The following BICDL2 variants were observed in gnomAD, a reference collection of about 807,000 sequenced individuals.
The protein encoded by BICDL2 is BICD family like cargo adaptor 2.
A neutral mutation model predicts 56.6 loss-of-function variants in BICDL2; 62 were observed. The observed-to-expected ratio is 1.10, with a 90% CI of 0.89 to 1.35. The LOEUF is 1.35. BICDL2 is among the 40% of genes most tolerant of loss of function. BICDL2 has a pLI of 0.00. For synonymous variants in BICDL2, 358 were observed against 319.8 expected (o/e 1.12, Z -1.27); for missense variants, 808 against 684.5 (o/e 1.18, Z -2.01).
At chr16:3,033,824 A>T (rs1955690178) in intron 2 of BICDL2, among the ~76,000 whole-genome samples, 1 of 151,314 alleles carries the variant, frequency 6.6e-6, no homozygotes, top group Non-Finnish European at 1.5e-5. Flanking sequence ...GAGTCCAAGG[A>T]GGTGCACAGG....
At chr16:3,035,176 T>TTGGCCGGGGGGGGGGGGGGGGGGG in intron 2 of BICDL2, 39 bp downstream of exon 2, 6 of 136,274 alleles carry the variant, frequency 4.4e-5, no homozygotes, top group Non-Finnish European at 8.1e-5. Context: ...CGTCCTCCCC[T>TTGGCCGGGGGGGGGGGGGGGGGGG]GCCCACCCAC....
At chr16:3,035,675 T>A in intron 1 of BICDL2, 149 bp from the exon 2 acceptor site, 1 of 673,720 alleles carries the variant, frequency 1.5e-6, no homozygotes, top group Non-Finnish European at 2.5e-6. Flanking sequence ...GTGTTTTGGC[T>A]ACCCAGTTCC....
chr16:3,036,769 G>A (rs754848155), intron 1 of BICDL2, 125 bp downstream of exon 1: 1 of 359,848 alleles, frequency 2.8e-6, no homozygotes, highest in Admixed American at 3.8e-5. Flanking sequence ...CGGCGCCCCC[G>A]GTTCCCCGGC....
intron 1 of BICDL2, 122 bp downstream of exon 1, chr16:3,036,772 T>C (rs1256403130): frequency 2.8e-6 from 1 of 354,902 alleles, no homozygotes; most frequent in Non-Finnish European, 5.5e-6. Context: ...CGCCCCCGGT[T>C]CCCCGGCGAT....
chr16:3,035,698 G>A (rs1567424862), intron 1 of BICDL2, 172 bp from the exon 2 acceptor site: 4 of 602,416 alleles, frequency 6.6e-6, no homozygotes, highest in Non-Finnish European at 1.2e-5. Flanking sequence ...TAATGTCCCT[G>A]GGGTAAACTG....
chr16:3,029,396 T>C lies in BICDL2; in HGVS notation c.991A>G (p.Ser331Gly). 6.2e-7 allele frequency: 1 copy of C among 1,608,252 alleles called. No homozygotes were observed. The highest frequency in any genetic ancestry group is 1.1e-5 in the South Asian group (1 of 90,948). The change falls in exon 7 of 10, where the codon AGC (serine) becomes GGC (glycine). Residue 331 changes from serine (S) to glycine (G), a missense_variant. Physicochemically the swap from Ser to Gly is moderately conservative, Grantham distance 56. Transcript: ENST00000572449. Reference protein sequence around the residue: ...TRSPKTRKASSPQPSPPEEIL... With the variant: ...TRSPKTRKASGPQPSPPEEIL... Reference sequence around the variant, plus strand: ...TCTTCCGGGGGTGAAGGCTGGGGGCTGGACGCCTTTCGGGTCTTTGGGGAC... The same window carrying C: ...TCTTCCGGGGGTGAAGGCTGGGGGCCGGACGCCTTTCGGGTCTTTGGGGAC...
Position 3,028,175 on chromosome 16 carries a change from G to A in BICDL2, c.1458C>T (p.Pro486=), listed in dbSNP as rs1358286353. 6.9e-7 allele frequency: 1 copy of A among 1,453,326 alleles called. No individual in the cohort carries two copies. The highest frequency in any genetic ancestry group is 9.0e-7 in the Non-Finnish European group (1 of 1,112,580). The allele number at this position is 1,453,326 out of a possible 1,614,324, so 90.0% of individuals were successfully genotyped here. A position where few individuals can be genotyped will look rare whatever the true frequency, so the allele number is the denominator to read the frequency against. The part of the protein sequence containing the change: ...ASSSTPRRAA[P]RFSLRLGPGP... The stretch of plus-strand genomic sequence containing the variant: ...CGGGGCCCAGGCGCAGCGAGAAGCG[G>A]GGCGCGGCACGGCGCGGGGTCGACG... Residue 486 remains proline, a synonymous_variant, in exon 10 of 10, where the codon CCC becomes CCT. Coordinates refer to ENST00000572449, the MANE Select transcript of BICDL2 (RefSeq NM_001369667.1).
chr16:3,032,201 T>G (rs968512565), intron 2 of BICDL2: 1 of 152,300 alleles, frequency 6.6e-6, no homozygotes, highest in Admixed American at 6.5e-5. Context: ...CCCAAAGTGC[T>G]GGGATTACAG....
rs781722653 is a variant in BICDL2, at chr16:3,030,535, C to A, written c.676G>T (p.Glu226Ter). 1 of 1,601,416 alleles carries A rather than the reference C, an allele frequency of 6.2e-7. No homozygotes were observed. Among genetic ancestry groups the A allele is most frequent in the Non-Finnish European group, 8.5e-7 (1 of 1,178,128 alleles). The stretch of plus-strand genomic sequence containing the variant: ...AGTCTGCCCTCACCCTTCTCCACCT[C>A]CTCACGCAGGCCTCGGATCTGGGCC... Reference protein sequence around the residue: ...LEAQIRGLREEVEKGEGRLQT... With the variant: ...LEAQIRGLRE Residue 226 changes from glutamate to a stop codon, truncating the protein, a stop_gained, in exon 5 of 10, where the codon GAG becomes TAG. Coordinates refer to ENST00000572449, the MANE Select transcript of BICDL2 (RefSeq NM_001369667.1). LOFTEE classifies it high-confidence loss of function.
intron 8 of BICDL2, 85 bp from the exon 9 acceptor site, chr16:3,028,553 G>A (rs1476952721): frequency 6.5e-7 from 1 of 1,534,414 alleles, no homozygotes; most frequent in Admixed American, 2.2e-5. Flanking sequence ...TACCCGGGCG[G>A]GAGGAGGGCT....
chr16:3,035,177 G>GTCCCCCCCCCCCCCCCCCCCCC, intron 2 of BICDL2, 38 bp downstream of exon 2: 2 of 118,826 alleles, frequency 1.7e-5, no homozygotes, highest in South Asian at 1.4e-4. Context: ...GTCCTCCCCT[G>GTCCCCCCCCCCCCCCCCCCCCC]CCCACCCACC....
intron 2 of BICDL2, chr16:3,031,390 G>T (rs1204195231): frequency 1.4e-5 from 8 of 571,542 alleles, no homozygotes; most frequent in African/African-American, 1.9e-5. Flanking sequence ...GGGGTGGGGG[G>T]ATCTCTGATG....
rs770465946 is a variant in BICDL2, at chr16:3,028,672, G to C, written c.1238+28C>G. 1.3e-6 allele frequency: 2 copies of C among 1,560,938 alleles called. 1 individual carries two copies. Among genetic ancestry groups the C allele is most frequent in the South Asian group, 2.4e-5 (2 of 84,824 alleles). ...GCCCAGGAGGGCCCAGAGGGCGCTG[G>C]GGCGGTGGTCAATGGCTTGAGGCTT... On this transcript the variant is annotated intron_variant, in intron 8 of 9. Transcript: ENST00000572449.
Position 3,030,516 on chromosome 16 carries a change from C to T in BICDL2, c.695G>A (p.Gly232Asp). ...GLREEVEKGE[G>D]RLQTTHEELL... ...CTCCTCGTGGGTGGTCTGCAGTCTGCCCTCACCCTTCTCCACCTCCTCACG... is the reference window on the plus strand; with the variant it reads ...CTCCTCGTGGGTGGTCTGCAGTCTGTCCTCACCCTTCTCCACCTCCTCACG... The change falls in exon 5 of 10, where the codon GGC (glycine) becomes GAC (aspartate). Residue 232 changes from glycine to aspartate, a missense_variant. Transcript: ENST00000572449. 2 of 1,603,342 alleles carry T rather than the reference C, an allele frequency of 1.2e-6. No homozygotes were observed. Among genetic ancestry groups the T allele is most frequent in the Non-Finnish European group, 8.5e-7 (1 of 1,179,060 alleles).
intron 2 of BICDL2, 118 bp downstream of exon 2, chr16:3,035,097 G>A (rs1052243787): frequency 3.5e-5 from 38 of 1,082,134 alleles, no homozygotes; most frequent in African/African-American, 4.8e-5. Flanking sequence ...CCCCTCGCCC[G>A]GCTGTCCTCC....
chr16:3,030,894 C>A (rs1359331926), intron 3 of BICDL2, 41 bp downstream of exon 3: 2 of 1,545,992 alleles, frequency 1.3e-6, no homozygotes, highest in Admixed American at 3.9e-5. Flanking sequence ...CAGGCATCCT[C>A]CCCAACCTTG....
intron 2 of BICDL2, chr16:3,031,501 G>A: frequency 4.0e-6 from 2 of 499,838 alleles, no homozygotes; most frequent in Non-Finnish European, 7.1e-6. Flanking sequence ...GCCCATGGCA[G>A]CACACACCTG....
intron 5 of BICDL2, chr16:3,030,242 G>T: frequency 1.6e-6 from 1 of 625,366 alleles, no homozygotes; most frequent in Non-Finnish European, 2.6e-6. Flanking sequence ...TGCTCTTCCA[G>T]CTGCCAGGCT....
In BICDL2 at chr16:3,035,176, T is replaced by TTTCCCCCCC; in HGVS notation, c.282+38_282+39insGGGGGGGAA. 2.2e-5 allele frequency: 3 copies of TTTCCCCCCC among 136,274 alleles called. 1 individual carries two copies. The highest frequency in any genetic ancestry group is 1.4e-5 in the Non-Finnish European group (1 of 73,714). The allele number at this position is 136,274 out of a possible 1,614,324, so 8.4% of individuals were successfully genotyped here. On this transcript the variant is annotated intron_variant, in intron 2 of 9. Coordinates refer to ENST00000572449, the MANE Select transcript of BICDL2 (RefSeq NM_001369667.1). ...CTCTCCAGGCCCACCCGTCCTCCCC[T>TTTCCCCCCC]GCCCACCCACCCACCCACCCCGTCC... is the stretch of plus-strand genomic sequence containing the variant.
Sources: gnomAD v4.1 joint callset for allele counts (sites outside exome capture counted in the v4.1 genomes callset) on GRCh38, gnomAD v4.1.1 for gene constraint, MANE v1.5 for transcripts, NCBI Gene and HGNC (gene_info 2026-07-23, HGNC 2026-07-21) for gene names.